The following RAB3IL1 variants were observed in gnomAD, a reference collection of about 807,000 sequenced individuals.
The protein encoded by RAB3IL1 is RAB3A interacting protein like 1.
A neutral mutation model predicts 49.2 loss-of-function variants in RAB3IL1; 37 were observed. The observed-to-expected ratio is 0.75, with a 90% confidence interval of 0.58 to 0.99. The LOEUF (loss-of-function observed/expected upper bound fraction) is 0.99. Ranked by LOEUF, RAB3IL1 falls within the 50% of genes least tolerant of loss-of-function variation. The probability of loss-of-function intolerance (pLI) is 0.00; values close to 1 mark genes in which losing one functional copy is unlikely to be tolerated. For missense variants in RAB3IL1, 484 were observed against 513.0 expected, an observed-to-expected ratio of 0.94 and a Z score of 0.55; for synonymous variants, 193 against 213.9, an observed-to-expected ratio of 0.90 and a Z score of 0.85.
At chr11:61,900,991 C>T (rs1325657524) in intron 8 of RAB3IL1, among the ~76,000 whole-genome samples, 3 of 152,012 alleles carry the variant, frequency 2.0e-5, no homozygotes, top group Admixed American at 6.5e-5. Flanking sequence ...TCCCAGGTCT[C>T]GGTGTGTGGC....
the RAB3IL1 span, among the ~76,000 whole-genome samples, chr11:61,939,875 T>G: frequency 3.9e-5 from 6 of 152,052 alleles, no homozygotes; most frequent in Non-Finnish European, 8.8e-5. Flanking sequence ...GGAGGATTAC[T>G]TGAGCCCAGG....
the RAB3IL1 span, among the ~76,000 whole-genome samples, chr11:61,943,449 A>G: frequency 6.6e-6 from 1 of 152,356 alleles, no homozygotes; most frequent in South Asian, 2.1e-4. Context: ...ATTTATCTAA[A>G]TTAAAATTTT....
At chr11:61,910,545 C>A (rs964857403) in intron 1 of RAB3IL1, among the ~76,000 whole-genome samples, 3 of 152,208 alleles carry the variant, frequency 2.0e-5, no homozygotes, top group Non-Finnish European at 2.9e-5. Context: ...GAGCTGAAAT[C>A]CTGCAGGAGG....
Position 61,911,148 on chromosome 11 carries a change from G to C in RAB3IL1, c.12-2842C>G, listed in dbSNP as rs1044647608. On this transcript the variant is annotated intron_variant, in intron 1 of 9. Coordinates refer to ENST00000394836, the MANE Select transcript of RAB3IL1 (RefSeq NM_013401.4). Reference sequence around the variant, plus strand: ...GGGACAGGGCCCAATTTTGTAGCCAGAGGAAACAGTGGTCCAGGAGGCCTG... The same window carrying C: ...GGGACAGGGCCCAATTTTGTAGCCACAGGAAACAGTGGTCCAGGAGGCCTG... Among the ~76,000 whole-genome samples the C allele has an allele frequency of 5.9e-5, 9 of 152,206 alleles. No individual in the cohort carries two copies. In the East Asian group the frequency reaches 1.7e-3, roughly 29 times the overall value.
rs931400045 is a variant in RAB3IL1 at position 61,907,597 on chromosome 11, C to T, written c.328G>A (p.Glu110Lys). 1.2e-6 allele frequency: 2 copies of T among 1,613,922 alleles called. No homozygotes were observed. The highest frequency in any genetic ancestry group is 1.7e-6 in the Non-Finnish European group (2 of 1,179,940). The change falls in exon 3 of 10, where the codon GAG becomes AAG. Residue 110 changes from glutamate (E) to lysine (K), a missense_variant. Transcript: ENST00000394836. Reference protein sequence around the residue: ...LSKVREQLEQELEELTASLFE... With the variant: ...LSKVREQLEQKLEELTASLFE... ...AGGCTGGCCGTCAGCTCTTCCAGCT[C>T]CTGTTCTAGCTGCTCCCGCACCTTG...
At chr11:61,936,917 C>T in the RAB3IL1 span, among the ~76,000 whole-genome samples, 1 of 152,058 alleles carries the variant, frequency 6.6e-6, no homozygotes, top group African/African-American at 2.4e-5. Context: ...GAGAGTTTGT[C>T]GCTAGTAGAC....
the RAB3IL1 span, among the ~76,000 whole-genome samples, chr11:61,925,774 T>C: frequency 4.0e-5 from 6 of 151,852 alleles, no homozygotes; most frequent in Admixed American, 1.3e-4. Flanking sequence ...TCAGGCTCAT[T>C]TGGGGGACAG....
At position 61,917,494 on chromosome 11, in the gene RAB3IL1, G is replaced by A. The variant is rs1939752390; in HGVS notation, c.-127C>T. 2.6e-6 allele frequency: 3 copies of A among 1,144,136 alleles called. No individual in the cohort carries two copies. Among genetic ancestry groups the A allele is most frequent in the Non-Finnish European group, 3.2e-6 (3 of 933,610 alleles). The allele number at this position is 1,144,136 out of a possible 1,614,324, so 70.9% of individuals were successfully genotyped here. ...CCACCGCCTGTCAGCCCTGCCCGCG[G>A]CCGGTCAGTAGGTCTCAGACGCCTG... On this transcript the variant is annotated 5_prime_UTR_variant, in exon 1 of 10. Coordinates refer to ENST00000394836, the MANE Select transcript of RAB3IL1 (RefSeq NM_013401.4).
chr11:61,898,425 G>T lies in RAB3IL1; in HGVS notation c.1067-65C>A. On this transcript the variant is annotated intron_variant, in intron 9 of 9. Coordinates refer to ENST00000394836, the MANE Select transcript of RAB3IL1 (RefSeq NM_013401.4). This position sits in a 1 kb window ranked among gnomAD's most constrained non-coding sequence, Gnocchi z 5.1. ...AGGGTCACCTCGGGCAGATGGCCAG[G>T]TCCCCTCCTGTGGCTTTGGACAGAG... 7.2e-7 allele frequency: 1 copy of T among 1,395,912 alleles called. No individual in the cohort carries two copies. Among genetic ancestry groups the T allele is most frequent in the Non-Finnish European group, 1.0e-6 (1 of 988,208 alleles). 86.5% of individuals were successfully genotyped at this position (1,395,912 alleles called of 1,614,324 possible).
At chr11:61,935,166 C>A in the RAB3IL1 span, among the ~76,000 whole-genome samples, 1 of 152,114 alleles carries the variant, frequency 6.6e-6, no homozygotes, top group Non-Finnish European at 1.5e-5. Context: ...TGTTGGCTCA[C>A]GCCTGTAATC....
At chr11:61,940,991 G>C in the RAB3IL1 span, among the ~76,000 whole-genome samples, 2 of 152,074 alleles carry the variant, frequency 1.3e-5, no homozygotes, top group South Asian at 4.2e-4. Flanking sequence ...GGGAGGCTGA[G>C]GCAGGAGGCT....
At chr11:61,921,444 AT>A (rs1939904741), upstream of RAB3IL1, among the ~76,000 whole-genome samples, 1 of 151,856 alleles carries the variant, frequency 6.6e-6, no homozygotes, top group East Asian at 1.9e-4. Flanking sequence ...TCCACATACT[AT>A]CCCCCCTGAC....
At chr11:61,909,798 T>C (rs2136049473) in intron 1 of RAB3IL1, among the ~76,000 whole-genome samples, 1 of 152,364 alleles carries the variant, frequency 6.6e-6, no homozygotes, top group Non-Finnish European at 1.5e-5. Flanking sequence ...CTGACCACGC[T>C]GTCTCCTTTA....
chr11:61,940,652 G>T, the RAB3IL1 span, among the ~76,000 whole-genome samples: 1 of 151,958 alleles, frequency 6.6e-6, no homozygotes, highest in Admixed American at 6.6e-5. Context: ...GCTGGGCGCG[G>T]TGGCTCACGC....
At chr11:61,933,201 T>G in the RAB3IL1 span, among the ~76,000 whole-genome samples, 1 of 151,826 alleles carries the variant, frequency 6.6e-6, no homozygotes, top group Non-Finnish European at 1.5e-5. Flanking sequence ...GAAAACAGAG[T>G]CTGTAAAGAT....
the RAB3IL1 span, among the ~76,000 whole-genome samples, chr11:61,929,857 A>G: frequency 2.1e-5 from 3 of 143,626 alleles, no homozygotes; most frequent in African/African-American, 7.7e-5. Context: ...AAGTGCTGGG[A>G]CTATGGGCAT....
At chr11:61,901,751 G>A (rs2136022776) in intron 8 of RAB3IL1, among the ~76,000 whole-genome samples, 1 of 152,334 alleles carries the variant, frequency 6.6e-6, no homozygotes, top group South Asian at 2.1e-4. Context: ...ACAAGGAACT[G>A]AATGCTGCCA....
chr11:61,926,479 G>A, the RAB3IL1 span, among the ~76,000 whole-genome samples: 1 of 151,890 alleles, frequency 6.6e-6, no homozygotes, highest in Admixed American at 6.6e-5. Context: ...GGCCTTGTGG[G>A]AGGTGTTTGG....
At chr11:61,902,661 C>T (rs971871809) in intron 7 of RAB3IL1, 120 bp from the exon 8 acceptor site, 4 of 894,038 alleles carry the variant, frequency 4.5e-6, no homozygotes, top group East Asian at 5.3e-5. Context: ...GCCTCCCTTC[C>T]CCCACCCGGC....
Sources: gnomAD v4.1 joint callset for allele counts (sites outside exome capture counted in the v4.1 genomes callset) on GRCh38, gnomAD v4.1.1 for gene constraint, Gnocchi (gnomAD v3.1) non-coding constraint, MANE v1.5 for transcripts, NCBI Gene and HGNC (gene_info 2026-07-23, HGNC 2026-07-21) for gene names.